STRBP: variants seen among roughly 807,000 people sequenced by gnomAD.
STRBP encodes the protein spermatid perinuclear RNA-binding protein.
STRBP carries 13 observed loss-of-function variants against 80.1 expected under a neutral mutation model. The observed-to-expected ratio is 0.16, with a 90% confidence interval of 0.11 to 0.26. STRBP has a LOEUF of 0.26. Among genes scored for constraint, STRBP ranks in the 10% least tolerant of loss-of-function variants. The pLI, the probability that STRBP is intolerant of heterozygous loss-of-function variation, is 1.00. For synonymous variants in STRBP, 284 were observed against 291.2 expected (o/e 0.98, Z 0.25); for missense variants, 485 against 815.2 (o/e 0.59, Z 4.93).
In STRBP at chr9:123,115,898, A is replaced by C. The variant is rs1375870075; in HGVS notation, c.*84+31T>G. On this transcript the variant is annotated intron_variant and NMD_transcript_variant, in intron 3 of 3. Transcript: ENST00000471564. The surrounding 1 kb of genome is among the most constrained non-coding windows in gnomAD (Gnocchi z 5.0). ...TGTCTTTCACCCTTTGGAACCACAT[A>C]CAACAAATAAATATAATCCCTTAAA... 2.7e-5 allele frequency: 11 copies of C among 400,486 alleles called. No individual in the cohort carries two copies. Among genetic ancestry groups the C allele is most frequent in the Non-Finnish European group, 4.9e-5 (10 of 202,990 alleles). 24.8% of individuals were successfully genotyped at this position (400,486 alleles called of 1,614,324 possible). A position where few individuals can be genotyped will look rare whatever the true frequency, so the allele number is the denominator to read the frequency against.
At chr9:123,168,217 GA>G in intron 6 of STRBP, 1 of 983,992 alleles carries the variant, frequency 1.0e-6, no homozygotes. Context: ...TGACACTTCA[GA>G]AATCATTTTA....
chr9:123,181,867 C>A (rs1236763175), intron 3 of STRBP, among the ~76,000 whole-genome samples: 1 of 129,246 alleles, frequency 7.7e-6, no homozygotes, highest in East Asian at 2.3e-4. Flanking sequence ...TGAAGAAATG[C>A]AGAGAAATCT....
intron 4 of STRBP, among the ~76,000 whole-genome samples, chr9:123,174,432 T>C (rs1290209919): frequency 1.3e-5 from 2 of 152,230 alleles, no homozygotes; most frequent in African/African-American, 2.4e-5. Flanking sequence ...AATGAGACCC[T>C]GTCTCAAAAA....
chr9:123,206,871 C>T (rs897104442), intron 2 of STRBP, among the ~76,000 whole-genome samples: 6 of 152,118 alleles, frequency 3.9e-5, no homozygotes, highest in Non-Finnish European at 7.4e-5. Flanking sequence ...CTACTGACCT[C>T]AGGTGATCCG....
rs1028405824 is a variant in STRBP at position 123,115,402 on chromosome 9, C to G, written c.*84+527G>C. ...CAGGGCTGGCAAGGAGGATCCCTAG[C>G]AGGGAGGGGGAGACCCACTGAAGCC... On this transcript the variant is annotated intron_variant and NMD_transcript_variant, in intron 3 of 3. Coordinates refer to the STRBP transcript ENST00000471564. The surrounding 1 kb of genome is among the most constrained non-coding windows in gnomAD (Gnocchi z 5.0). The G allele has an allele frequency of 2.5e-5, 12 of 470,992 alleles. No individual in the cohort carries two copies. In the Admixed American group the frequency reaches 2.8e-4, roughly 11 times the overall value. 29.2% of individuals were successfully genotyped at this position (470,992 alleles called of 1,614,324 possible). A position where few individuals can be genotyped will look rare whatever the true frequency, so the allele number is the denominator to read the frequency against.
intron 6 of STRBP, among the ~76,000 whole-genome samples, chr9:123,167,723 T>C (rs2037829926): frequency 6.6e-6 from 1 of 152,060 alleles, no homozygotes; most frequent in African/African-American, 2.4e-5. Context: ...TGATCCCATA[T>C]AACAGCTGAT....
At chr9:123,183,157 G>A (rs1185323680) in intron 3 of STRBP, among the ~76,000 whole-genome samples, 1 of 151,798 alleles carries the variant, frequency 6.6e-6, no homozygotes, top group Non-Finnish European at 1.5e-5. Context: ...TAAAATCTTG[G>A]CCAGGCACGG....
In STRBP at chr9:123,184,173, T is replaced by TC. The variant is rs1414502855; in HGVS notation, c.-40dup. On this transcript the variant is annotated 5_prime_UTR_variant, in exon 3 of 19. The change creates a premature stop within an existing upstream ORF in the 5' untranslated region. Transcript: ENST00000348403. Reference sequence around the variant, plus strand: ...ATTTTAGCTTCTTTTTCCGATCCTTTCCCCTCTTTCTTGTCGTCTTCACTA... The same window carrying TC: ...ATTTTAGCTTCTTTTTCCGATCCTTTCCCCCTCTTTCTTGTCGTCTTCACTA... 1 of 1,607,088 alleles carries TC rather than the reference T, an allele frequency of 6.2e-7. No individual in the cohort carries two copies.
At chr9:123,174,038 C>T (rs1178111312) in intron 4 of STRBP, among the ~76,000 whole-genome samples, 196 bp from the exon 5 acceptor site, 1 of 152,200 alleles carries the variant, frequency 6.6e-6, no homozygotes, top group African/African-American at 2.4e-5. Context: ...CAATGGGGAA[C>T]GTATTTCATA....
downstream of STRBP, among the ~76,000 whole-genome samples, chr9:123,117,352 C>T (rs997742764): frequency 6.6e-6 from 1 of 152,128 alleles, no homozygotes; most frequent in Non-Finnish European, 1.5e-5. Flanking sequence ...CAGCCATCCC[C>T]GCACCCACCC....
At chr9:123,162,155 C>A (rs994515177) in intron 6 of STRBP, among the ~76,000 whole-genome samples, 6 of 152,074 alleles carry the variant, frequency 3.9e-5, no homozygotes, top group Admixed American at 3.3e-4. Flanking sequence ...GAGACAATAA[C>A]AAAGATACTT....
At position 123,125,596 on chromosome 9, in the gene STRBP, G is replaced by A; in HGVS notation, c.*1C>T. ...CAATAGGAATTAGCTTCTGTCATTT[G>A]CTAAAAGAATGAGTAGTGGGGAACA... On this transcript the variant is annotated 3_prime_UTR_variant, in exon 19 of 19. Coordinates refer to ENST00000348403, the MANE Select transcript of STRBP (RefSeq NM_018387.5). 1.2e-6 allele frequency: 2 copies of A among 1,612,408 alleles called. No homozygotes were observed. The highest frequency in any genetic ancestry group is 1.3e-5 in the African/African-American group (1 of 74,930).
At chr9:123,204,684 G>A (rs948754110) in intron 2 of STRBP, among the ~76,000 whole-genome samples, 1 of 151,968 alleles carries the variant, frequency 6.6e-6, no homozygotes, top group African/African-American at 2.4e-5. Flanking sequence ...TTGGGAGGCC[G>A]AAGTGGGTGG....
chr9:123,201,101 T>C (rs181836950), intron 2 of STRBP, among the ~76,000 whole-genome samples: 41 of 152,304 alleles, frequency 2.7e-4, no homozygotes, highest in Non-Finnish European at 1.9e-4. Flanking sequence ...CATTTCTAAT[T>C]GAGCTTATTT....
intron 1 of STRBP, among the ~76,000 whole-genome samples, chr9:123,243,277 A>G (rs1564332204): frequency 6.6e-6 from 1 of 151,062 alleles, no homozygotes; most frequent in Admixed American, 6.6e-5. Flanking sequence ...AAAAAAAAAA[A>G]AAAAAAAGAA....
chr9:123,242,301 T>C (rs1037266566), intron 1 of STRBP, among the ~76,000 whole-genome samples: 2 of 152,232 alleles, frequency 1.3e-5, no homozygotes, highest in African/African-American at 4.8e-5. Flanking sequence ...CACTGTATTC[T>C]GGTGCCTAAA....
intron 13 of STRBP, among the ~76,000 whole-genome samples, chr9:123,143,573 CAT>C (rs1204624965): frequency 5.3e-5 from 8 of 152,216 alleles, no homozygotes; most frequent in Non-Finnish European, 8.8e-5. Flanking sequence ...CAACGCATAA[CAT>C]GTGATATAAC....
chr9:123,218,798 G>C (rs1211297847), intron 2 of STRBP, among the ~76,000 whole-genome samples: 2 of 152,130 alleles, frequency 1.3e-5, no homozygotes, highest in Non-Finnish European at 2.9e-5. Flanking sequence ...CCAGGCATCA[G>C]GGTGAATACT....
intron 1 of STRBP, among the ~76,000 whole-genome samples, chr9:123,257,242 TTC>T (rs1465556366): frequency 6.6e-6 from 1 of 152,124 alleles, no homozygotes; most frequent in Non-Finnish European, 1.5e-5. Flanking sequence ...CCATATGGAA[TTC>T]TCTTTTCCAT....
Sources: gnomAD v4.1 joint callset for allele counts (sites outside exome capture counted in the v4.1 genomes callset) on GRCh38, gnomAD v4.1.1 for gene constraint, Gnocchi (gnomAD v3.1) non-coding constraint, MANE v1.5 for transcripts, NCBI Gene and HGNC (gene_info 2026-07-23, HGNC 2026-07-21) for gene names.